COL1A2: variants seen among roughly 807,000 people sequenced by gnomAD.
COL1A2 encodes collagen alpha-2(I) chain.
COL1A2 carries 49 observed loss-of-function variants against 174.3 expected under a neutral mutation model. The ratio of observed to expected loss-of-function variants is 0.28; its 90% CI spans 0.22 to 0.36. The LOEUF (loss-of-function observed/expected upper bound fraction) is 0.36, where lower values mean the gene tolerates loss of function less well. Ranked by LOEUF, COL1A2 falls within the 10% of genes least tolerant of loss-of-function variation. The probability of loss-of-function intolerance (pLI) is 1.00; values close to 1 mark genes in which losing one functional copy is unlikely to be tolerated. For missense variants in COL1A2, 1,438 were observed against 1,822.7 expected (o/e 0.79, Z 3.84); for synonymous variants, 655 against 606.6 (o/e 1.08, Z -1.17).
chr7:94,413,438 C>T (rs921810243), intron 26 of COL1A2, among the ~76,000 whole-genome samples: 23 of 152,110 alleles, frequency 1.5e-4, no homozygotes, highest in African/African-American at 4.8e-4. Context: ...TGCCTTGTGT[C>T]GCATACTTCG....
intron 5 of COL1A2, 95 bp downstream of exon 5, chr7:94,400,383 C>A (rs1791667153): frequency 1.9e-6 from 2 of 1,077,050 alleles, no homozygotes; most frequent in Admixed American, 1.9e-5. Flanking sequence ...GATAATTCTT[C>A]CATTTGAAAA....
chr7:94,427,137 C>G, intron 47 of COL1A2, 51 bp from the exon 48 acceptor site: 1 of 1,609,576 alleles, frequency 6.2e-7, no homozygotes, highest in Non-Finnish European at 8.5e-7. Context: ...GGCTGCTGCT[C>G]CCTTGGTGGG....
rs761211021 is a variant in COL1A2 at position 94,426,544 on chromosome 7, A to G, written c.3105+14A>G. The G allele has an allele frequency of 2.5e-6, 4 of 1,579,214 alleles. No individual in the cohort carries two copies. The Admixed American group carries it at 7.2e-5, about 28-fold the overall frequency. ...CCTGGTATCGCTGTAAGTAAACTGT[A>G]GCCATCTCGCACATAAACTGATCCT... is the stretch of plus-strand genomic sequence containing the variant. On this transcript the variant is annotated intron_variant, in intron 46 of 51. Transcript: ENST00000297268.
intron 42 of COL1A2, 83 bp downstream of exon 42, chr7:94,425,307 T>C: frequency 7.7e-7 from 1 of 1,301,774 alleles, no homozygotes; most frequent in Non-Finnish European, 1.1e-6. Flanking sequence ...GAGGTTCTCT[T>C]CTTCCAAATT....
At chr7:94,420,141 C>A in intron 34 of COL1A2, 92 bp from the exon 35 acceptor site, 1 of 1,541,364 alleles carries the variant, frequency 6.5e-7, no homozygotes, top group Non-Finnish European at 9.0e-7. Context: ...CAACTACAGA[C>A]TCTGTCTGTC....
chr7:94,413,050 T>G, intron 25 of COL1A2, 33 bp from the exon 26 acceptor site: 1 of 1,605,232 alleles, frequency 6.2e-7, no homozygotes, highest in Non-Finnish European at 8.5e-7. Context: ...TGTGCAAAGC[T>G]GTTCTTTGTT....
rs139726213 is a variant in COL1A2, at chr7:94,412,100, C to T, written c.1383C>T (p.Pro461=). 3.3e-4 allele frequency: 535 copies of T among 1,612,824 alleles called. 1 individual carries two copies. In the African/African-American group the frequency reaches 3.4e-3, roughly 10 times the overall value. ...GLPGSPGNIG[P]AGKEGPVGLP... ...CTGGTTCCCCTGGAAATATCGGCCC[C>T]GCTGGAAAAGAAGGTCCTGTCGTAA... The change falls in exon 24 of 52, where the codon CCC becomes CCT. Residue 461 remains proline (P), a synonymous_variant. Coordinates refer to ENST00000297268, the MANE Select transcript of COL1A2 (RefSeq NM_000089.4).
chr7:94,429,112 T>TA (rs1792346406), intron 50 of COL1A2, 76 bp from the exon 51 acceptor site: 1 of 1,201,140 alleles, frequency 8.3e-7, no homozygotes, highest in African/African-American at 1.6e-5. Flanking sequence ...TTTTTTCTTT[T>TA]TTTTTTTTTT....
intron 12 of COL1A2, 23 bp downstream of exon 12, chr7:94,406,326 T>G (rs1791796419): frequency 6.2e-7 from 1 of 1,612,024 alleles, no homozygotes; most frequent in Admixed American, 1.7e-5. Flanking sequence ...TTAGAAGCAC[T>G]GTTTTTAAGC....
intron 15 of COL1A2, 96 bp downstream of exon 15, chr7:94,408,476 C>A: frequency 7.1e-7 from 1 of 1,398,656 alleles, no homozygotes; most frequent in Non-Finnish European, 1.0e-6. Context: ...TCATTTCAGA[C>A]ACTTTACCAA....
chr7:94,428,813 A>G (rs1792338961), intron 50 of COL1A2, among the ~76,000 whole-genome samples: 1 of 152,224 alleles, frequency 6.6e-6, no homozygotes, highest in South Asian at 2.1e-4. Context: ...ATTTTTAATC[A>G]AACCTTTTCA....
At chr7:94,417,564 T>C (rs1333272524) in intron 31 of COL1A2, 160 bp from the exon 32 acceptor site, 2 of 666,972 alleles carry the variant, frequency 3.0e-6, no homozygotes, top group Non-Finnish European at 5.4e-6. Flanking sequence ...CATCTCTCTC[T>C]GCTATATTCT....
intron 26 of COL1A2, 74 bp downstream of exon 26, chr7:94,413,210 C>T: frequency 7.3e-7 from 1 of 1,374,988 alleles, no homozygotes; most frequent in South Asian, 1.2e-5. Flanking sequence ...TTTACACCAT[C>T]TGATATCATT....
In COL1A2 at chr7:94,417,762, T is replaced by C; in HGVS notation, c.1902T>C (p.Gly634=). ...PGVVGAVGTA[G]PSGPSGLPGE... Reference sequence around the variant, plus strand: ...TGGTTGGTGCTGTGGGCACTGCTGGTCCATCTGGTCCTAGTGGACTCCCAG... The same window carrying C: ...TGGTTGGTGCTGTGGGCACTGCTGGCCCATCTGGTCCTAGTGGACTCCCAG... The change falls in exon 32 of 52, where the codon GGT becomes GGC. Residue 634 remains glycine (G), a synonymous_variant. Transcript: ENST00000297268. 1.2e-6 allele frequency: 2 copies of C among 1,603,158 alleles called. No individual in the cohort carries two copies. The highest frequency in any genetic ancestry group is 1.7e-6 in the Non-Finnish European group (2 of 1,174,974).
chr7:94,419,621 C>A lies in COL1A2; in HGVS notation c.2079+70C>A. 5.2e-6 allele frequency: 8 copies of A among 1,541,364 alleles called. No individual in the cohort carries two copies. In the South Asian group the frequency reaches 6.7e-5, roughly 13 times the overall value. On this transcript the variant is annotated intron_variant, in intron 34 of 51. Coordinates refer to ENST00000297268, the MANE Select transcript of COL1A2 (RefSeq NM_000089.4). ...CCCGCCTTCCCTAGTCCCAAAGAGC[C>A]CCAGCAATTCATTTTTATGGCTTGG...
chr7:94,413,768 C>G, intron 27 of COL1A2, 25 bp downstream of exon 27: 1 of 1,613,476 alleles, frequency 6.2e-7, no homozygotes, highest in Non-Finnish European at 8.5e-7. Flanking sequence ...CACTCTTGTG[C>G]TCTTCTGCAC....
chr7:94,412,463 C>T, intron 24 of COL1A2, 121 bp from the exon 25 acceptor site: 1 of 782,600 alleles, frequency 1.3e-6, no homozygotes, highest in Admixed American at 2.2e-5. Flanking sequence ...TTTATTAACG[C>T]TTTATACAAG....
rs11762659 is a variant in COL1A2 at position 94,418,936 on chromosome 7, T to C, written c.2025+384T>C. ...AGCCGGGACCTCTAACAAGATTCTATAGTTATTCAAACCTACTCCCTAGAA... is the reference window on the plus strand; with the variant it reads ...AGCCGGGACCTCTAACAAGATTCTACAGTTATTCAAACCTACTCCCTAGAA... On this transcript the variant is annotated intron_variant, in intron 33 of 51. Coordinates refer to ENST00000297268, the MANE Select transcript of COL1A2 (RefSeq NM_000089.4). Among the ~76,000 whole-genome samples the C allele has an allele frequency of 8.5e-3, 1,291 of 151,360 alleles. 7 individuals are homozygous for C. The highest frequency in any genetic ancestry group is 0.014 in the Non-Finnish European group (982 of 67,878).
Position 94,394,932 on chromosome 7 carries a change from G to A in COL1A2, c.-100G>A. The A allele has an allele frequency of 1.1e-6, 1 of 914,492 alleles. No individual in the cohort carries two copies. Among genetic ancestry groups the A allele is most frequent in the East Asian group, 2.4e-5 (1 of 41,616 alleles). The allele number at this position is 914,492 out of a possible 1,614,324, so 56.6% of individuals were successfully genotyped here. ...GCAGGAGGTTTCGGCTAAGTTGGAG[G>A]TACTGGCCACGACTGCATGCCCGCG... On this transcript the variant is annotated 5_prime_UTR_variant, in exon 1 of 52. Coordinates refer to ENST00000297268, the MANE Select transcript of COL1A2 (RefSeq NM_000089.4).
Sources: gnomAD v4.1 joint callset for allele counts (sites outside exome capture counted in the v4.1 genomes callset) on GRCh38, gnomAD v4.1.1 for gene constraint, MANE v1.5 for transcripts, NCBI Gene and HGNC (gene_info 2026-07-23, HGNC 2026-07-21) for gene names.